KRABD2: variants seen among roughly 807,000 people sequenced by gnomAD.
KRABD2 encodes the protein KRAB domain-containing protein 2.
chr17:8,374,320 C>T, the KRABD2 span, among the ~76,000 whole-genome samples: 1 of 152,180 alleles, frequency 6.6e-6, no homozygotes, highest in South Asian at 2.1e-4. Context: ...AATCTATAAC[C>T]TTACCCCCAA....
At chr17:8,365,354 G>A in the KRABD2 span, among the ~76,000 whole-genome samples, 2 of 152,112 alleles carry the variant, frequency 1.3e-5, no homozygotes, top group Admixed American at 1.3e-4. Context: ...GTCAGCACTG[G>A]GGAGGGGAAG....
At chr17:8,374,435 C>T in the KRABD2 span, among the ~76,000 whole-genome samples, 792 of 152,026 alleles carry the variant, frequency 5.2e-3, 5 homozygotes, top group African/African-American at 0.018. Context: ...AGCATGCTCG[C>T]TAAGAGTCAT....
the KRABD2 span, among the ~76,000 whole-genome samples, chr17:8,363,826 C>CATATATAT: frequency 1.8e-3 from 97 of 54,094 alleles, no homozygotes; most frequent in Non-Finnish European, 2.1e-3. Flanking sequence ...ATATATATAT[C>CATATATAT]ATACATATAT....
chr17:8,375,940 C>G, the KRABD2 span: 11 of 1,230,134 alleles, frequency 8.9e-6, no homozygotes, highest in Non-Finnish European at 1.1e-5. Context: ...TCGGAATGTC[C>G]TCGCATTGAT....
the KRABD2 span, chr17:8,373,349 AT>A: frequency 1.3e-5 from 2 of 158,896 alleles, no homozygotes; most frequent in Admixed American, 6.5e-5. Context: ...TGGTTTTTGT[AT>A]TTTTTGGTGG....
chr17:8,371,828 T>G, the KRABD2 span: 2 of 1,077,164 alleles, frequency 1.9e-6, no homozygotes, highest in Non-Finnish European at 2.3e-6. Flanking sequence ...TAAAGATATG[T>G]CAGGAGATTA....
chr17:8,370,450 C>G, the KRABD2 span: 1 of 1,027,098 alleles, frequency 9.7e-7, no homozygotes, highest in Non-Finnish European at 1.4e-6. Context: ...AAGACTTTCC[C>G]TCTAAAGTTC....
chr17:8,374,457 A>C, the KRABD2 span, among the ~76,000 whole-genome samples: 1 of 151,834 alleles, frequency 6.6e-6, no homozygotes, highest in Non-Finnish European at 1.5e-5. Context: ...ACCACTCCCT[A>C]ATCTCAAGTA....
the KRABD2 span, chr17:8,369,476 G>GT: frequency 6.2e-7 from 1 of 1,613,984 alleles, no homozygotes; most frequent in South Asian, 1.1e-5. Flanking sequence ...GACATGAGTG[G>GT]TTACTCTGCA....
chr17:8,371,264 G>T, the KRABD2 span: 1 of 1,456,682 alleles, frequency 6.9e-7, no homozygotes, highest in Non-Finnish European at 9.6e-7. Context: ...GTTTCCCCTT[G>T]ACAATTGTCC....
the KRABD2 span, chr17:8,375,954 C>G: frequency 2.4e-6 from 3 of 1,230,656 alleles, no homozygotes; most frequent in East Asian, 9.5e-5. Context: ...CATTGATCCT[C>G]CCAATCACAG....
the KRABD2 span, among the ~76,000 whole-genome samples, chr17:8,361,386 A>G: frequency 1.3e-5 from 2 of 152,202 alleles, no homozygotes; most frequent in Non-Finnish European, 2.9e-5. Flanking sequence ...TCTGGAAAGA[A>G]TAAGTGACTC....
At chr17:8,374,042 TG>T in the KRABD2 span, among the ~76,000 whole-genome samples, 1 of 145,300 alleles carries the variant, frequency 6.9e-6, no homozygotes, top group Non-Finnish European at 1.5e-5. Context: ...GGGAGGGAGG[TG>T]GGGGGCAGCC....
At chr17:8,364,696 A>G in the KRABD2 span, among the ~76,000 whole-genome samples, 2 of 152,094 alleles carry the variant, frequency 1.3e-5, no homozygotes, top group African/African-American at 4.8e-5. The surrounding 1 kb of genome is among the most constrained non-coding windows in gnomAD (Gnocchi z 4.4). Context: ...AGATTTTTAT[A>G]TGAACTCTCC....
chr17:8,363,857 ATATATT>A, the KRABD2 span, among the ~76,000 whole-genome samples: 3,302 of 63,634 alleles, frequency 0.052, 61 homozygotes, highest in Non-Finnish European at 0.072. Flanking sequence ...ATATATATAT[ATATATT>A]TATTTATTTA....
the KRABD2 span, among the ~76,000 whole-genome samples, chr17:8,360,666 T>C: frequency 2.6e-5 from 4 of 152,172 alleles, no homozygotes; most frequent in Non-Finnish European, 4.4e-5. Flanking sequence ...TCTTGCTCTT[T>C]TATATTTCAA....
At chr17:8,366,153 TAA>T in the KRABD2 span, among the ~76,000 whole-genome samples, 2 of 151,598 alleles carry the variant, frequency 1.3e-5, no homozygotes, top group African/African-American at 4.8e-5. Flanking sequence ...AAAATAAAAA[TAA>T]AAGACTGCAG....
chr17:8,369,842 C>T, the KRABD2 span: 4 of 1,614,180 alleles, frequency 2.5e-6, no homozygotes, highest in East Asian at 2.2e-5. Flanking sequence ...AGTCTATGTC[C>T]TTAAAAGTCA....
At chr17:8,367,958 A>G in the KRABD2 span, among the ~76,000 whole-genome samples, 2 of 74,624 alleles carry the variant, frequency 2.7e-5, no homozygotes, top group Non-Finnish European at 6.1e-5. Context: ...AGTTAAGAGC[A>G]AAAAAAAAAA....
Sources: allele counts gnomAD v4.1 joint callset (sites outside exome capture counted in the v4.1 genomes callset), GRCh38; gene constraint gnomAD v4.1.1; non-coding constraint Gnocchi (gnomAD v3.1); transcripts MANE v1.5; gene names NCBI Gene and HGNC (gene_info 2026-07-23, HGNC 2026-07-21).